The following MMP26 variants were observed in gnomAD, a reference collection of about 807,000 sequenced individuals.
MMP26 encodes the protein matrix metalloproteinase-26.
A neutral mutation model predicts 31.0 loss-of-function variants in MMP26; 33 were observed. The ratio of observed to expected loss-of-function variants is 1.06; its 90% CI spans 0.81 to 1.42. The LOEUF is 1.42. Ranked by LOEUF, MMP26 falls within the 40% of genes most tolerant of loss-of-function variation. The probability of loss-of-function intolerance (pLI) is 0.00; values close to 1 mark genes in which losing one functional copy is unlikely to be tolerated. For missense variants in MMP26, 347 were observed against 316.1 expected, an observed-to-expected ratio of 1.10 and a Z score of -0.74; for synonymous variants, 122 against 114.9, an observed-to-expected ratio of 1.06 and a Z score of -0.40.
intron 2 of MMP26, among the ~76,000 whole-genome samples, chr11:4,781,000 A>G (rs1848851471): frequency 6.6e-6 from 1 of 152,106 alleles, no homozygotes; most frequent in Non-Finnish European, 1.5e-5. Context: ...CTGAATTTCA[A>G]AAGTATCATG....
intron 3 of MMP26, 59 bp downstream of exon 3, chr11:4,988,369 G>C (rs113232715): frequency 3.3e-6 from 4 of 1,226,388 alleles, no homozygotes; most frequent in Admixed American, 1.7e-5. Flanking sequence ...CTCTTATTTC[G>C]TGTGTGTGTG....
At chr11:4,746,831 TCACACACACACACACACACACACA>T (rs3223670) in intron 1 of MMP26, among the ~76,000 whole-genome samples, 1 of 137,116 alleles carries the variant, frequency 7.3e-6, no homozygotes, top group Non-Finnish European at 1.6e-5. Flanking sequence ...TAAGTCTCTG[TCACACACACACACACACACACACA>T]CACACACACA....
intron 2 of MMP26, among the ~76,000 whole-genome samples, chr11:4,830,661 C>T (rs1849634271): frequency 6.6e-6 from 1 of 152,122 alleles, no homozygotes; most frequent in South Asian, 2.1e-4. Context: ...TTAGCCATAC[C>T]ATTACATAGC....
In MMP26 at chr11:4,815,076, A is replaced by G. The variant is rs577124148; in HGVS notation, c.-145+47735A>G. 5.9e-5 allele frequency among the ~76,000 whole-genome samples: 9 copies of G among 152,350 alleles called. 1 individual carries two copies. The South Asian group carries it at 1.7e-3, about 28-fold the overall frequency. On this transcript the variant is annotated intron_variant, in intron 2 of 7. Coordinates refer to ENST00000380390, the MANE Select transcript of MMP26 (RefSeq NM_021801.5). ...CAACTCAAAGCAGGAGCTTCCAGGT[A>G]ATAGGAAGATAAGAGACAAAAGTTG...
At chr11:4,845,954 G>A (rs758873137) in intron 2 of MMP26, among the ~76,000 whole-genome samples, 13 of 152,232 alleles carry the variant, frequency 8.5e-5, no homozygotes, top group Middle Eastern at 3.4e-3. Flanking sequence ...TGCCAAGGTG[G>A]GAATGTAAGT....
chr11:4,991,312 A>G (rs2099019674), intron 5 of MMP26, 59 bp from the exon 6 acceptor site: 2 of 1,573,740 alleles, frequency 1.3e-6, no homozygotes, highest in East Asian at 2.3e-5. Context: ...ACTTAAGACT[A>G]TTCTGGCCTT....
At chr11:4,742,938 GA>G (rs1467804417) in intron 1 of MMP26, among the ~76,000 whole-genome samples, 1 of 152,062 alleles carries the variant, frequency 6.6e-6, no homozygotes, top group East Asian at 1.9e-4. Context: ...AAAAATTAGA[GA>G]GGTTAAATAA....
At chr11:4,972,878 C>T in intron 2 of MMP26, 1 of 152,120 alleles carries the variant, frequency 6.6e-6, no homozygotes, top group Non-Finnish European at 1.5e-5. Flanking sequence ...AGTATGTTTT[C>T]TTATTGATCT....
intron 2 of MMP26, among the ~76,000 whole-genome samples, chr11:4,782,777 C>A (rs1401935246): frequency 6.6e-6 from 1 of 152,166 alleles, no homozygotes; most frequent in Non-Finnish European, 1.5e-5. Context: ...GACTTGGTGC[C>A]CTGCATCCCA....
intron 2 of MMP26, among the ~76,000 whole-genome samples, chr11:4,925,460 C>T (rs1285808190): frequency 2.6e-5 from 4 of 151,872 alleles, no homozygotes; most frequent in East Asian, 1.9e-4. Context: ...TTTTAGAGAC[C>T]GAGTCCAGTT....
chr11:4,773,513 AGACACAGCCTTTGGAGAAAACT>A, intron 2 of MMP26, among the ~76,000 whole-genome samples: 1 of 151,988 alleles, frequency 6.6e-6, no homozygotes. Flanking sequence ...GCTTCAAATG[AGACACAGCCTTTGGAGAAAACT>A]CAGCAAAGCT....
chr11:4,781,022 A>T (rs190450652), intron 2 of MMP26, among the ~76,000 whole-genome samples: 12 of 152,246 alleles, frequency 7.9e-5, no homozygotes, highest in Admixed American at 7.8e-4. Context: ...AAAGCAAAAG[A>T]AGTTACATAC....
At chr11:4,976,565 C>T (rs558285477) in intron 2 of MMP26, among the ~76,000 whole-genome samples, 68 of 152,078 alleles carry the variant, frequency 4.5e-4, no homozygotes, top group Non-Finnish European at 8.4e-4. Flanking sequence ...ACTCAAATCC[C>T]GGCTATTAGG....
rs1203922431 is a variant in MMP26, at chr11:4,705,063, T to C, written c.-217+18T>C. ...TGCACAAGGTCAGTGTTGTAGTGCATTGAAGACAGTTATAAATAAATTAGG... is the reference window on the plus strand; with the variant it reads ...TGCACAAGGTCAGTGTTGTAGTGCACTGAAGACAGTTATAAATAAATTAGG... On this transcript the variant is annotated intron_variant, in intron 1 of 7. Coordinates refer to ENST00000380390, the MANE Select transcript of MMP26 (RefSeq NM_021801.5). The C allele has an allele frequency of 3.3e-5, 5 of 152,218 alleles. No individual in the cohort carries two copies. Among genetic ancestry groups the C allele is most frequent in the Non-Finnish European group, 5.9e-5 (4 of 68,044 alleles). 9.4% of individuals were successfully genotyped at this position (152,218 alleles called of 1,614,324 possible). A position where few individuals can be genotyped will look rare whatever the true frequency, so the allele number is the denominator to read the frequency against.
intron 2 of MMP26, chr11:4,787,452 A>C (rs1432372693): frequency 6.6e-6 from 1 of 152,188 alleles, no homozygotes; most frequent in Non-Finnish European, 1.5e-5. Context: ...TCATCTCTTC[A>C]GAGGGACGGA....
intron 2 of MMP26, chr11:4,882,489 G>T: frequency 6.2e-7 from 1 of 1,613,884 alleles, no homozygotes; most frequent in Non-Finnish European, 8.5e-7. Context: ...CCTTGGATCA[G>T]CAGTTTTTGG....
intron 2 of MMP26, chr11:4,822,494 A>T: frequency 1.1e-6 from 1 of 908,400 alleles, no homozygotes; most frequent in Non-Finnish European, 1.5e-6. Flanking sequence ...TTTATAGGTT[A>T]TGTGACATTT....
chr11:4,746,863 A>ACACG (rs1848388012), intron 1 of MMP26, among the ~76,000 whole-genome samples: 3 of 151,472 alleles, frequency 2.0e-5, no homozygotes, highest in Middle Eastern at 6.8e-3. Context: ...ACACACACAC[A>ACACG]CACACACACA....
intron 2 of MMP26, among the ~76,000 whole-genome samples, chr11:4,924,584 C>T (rs1851242321): frequency 6.6e-6 from 1 of 152,114 alleles, no homozygotes; most frequent in African/African-American, 2.4e-5. Flanking sequence ...AACAAAGGAA[C>T]ATCTTGGAAG....
Sources: gnomAD v4.1 joint callset for allele counts (sites outside exome capture counted in the v4.1 genomes callset) on GRCh38, gnomAD v4.1.1 for gene constraint, MANE v1.5 for transcripts, NCBI Gene and HGNC (gene_info 2026-07-23, HGNC 2026-07-21) for gene names.